KCNAB1: variants seen among roughly 807,000 people sequenced by gnomAD.
KCNAB1 encodes the protein voltage-gated potassium channel subunit beta-1.
In KCNAB1, 35 loss-of-function variants were observed where a neutral mutation model predicts 64.6. That is an observed-to-expected ratio of 0.54 (90% CI 0.41 to 0.72). The LOEUF (loss-of-function observed/expected upper bound fraction) is 0.72. KCNAB1 is among the 30% of genes least tolerant of loss of function. KCNAB1 has a pLI of 0.00. For synonymous variants in KCNAB1, 177 were observed against 183.8 expected (o/e 0.96, Z 0.30); for missense variants, 401 against 512.9 (o/e 0.78, Z 2.11).
intron 1 of KCNAB1, among the ~76,000 whole-genome samples, chr3:156,420,368 T>C (rs1026553208): frequency 6.6e-6 from 1 of 152,258 alleles, no homozygotes; most frequent in Non-Finnish European, 1.5e-5. Flanking sequence ...TTCAACTCTT[T>C]GCATTTTTAT....
At chr3:156,224,640 C>A (rs528001565) in intron 1 of KCNAB1, among the ~76,000 whole-genome samples, 1 of 152,090 alleles carries the variant, frequency 6.6e-6, no homozygotes, top group Non-Finnish European at 1.5e-5. Flanking sequence ...AAACAGAAAG[C>A]TGATTCTTTG....
intron 13 of KCNAB1, among the ~76,000 whole-genome samples, chr3:156,532,397 G>A (rs888166114): frequency 6.6e-6 from 1 of 152,134 alleles, no homozygotes; most frequent in Non-Finnish European, 1.5e-5. Context: ...CCCTAGGAAC[G>A]ATCCTGCCCA....
intron 1 of KCNAB1, among the ~76,000 whole-genome samples, chr3:156,381,902 T>A (rs1427619834): frequency 6.6e-6 from 1 of 152,186 alleles, no homozygotes; most frequent in African/African-American, 2.4e-5. Flanking sequence ...TAACATTTCA[T>A]TATATTTACT....
intron 1 of KCNAB1, among the ~76,000 whole-genome samples, chr3:156,305,908 T>G (rs917331711): frequency 2.6e-5 from 4 of 152,198 alleles, no homozygotes; most frequent in African/African-American, 9.6e-5. Flanking sequence ...GTGCAGGGAC[T>G]GCTTGAGTCT....
At chr3:156,211,479 C>T (rs889007327) in intron 1 of KCNAB1, among the ~76,000 whole-genome samples, 5 of 152,180 alleles carry the variant, frequency 3.3e-5, no homozygotes, top group Admixed American at 2.0e-4. Flanking sequence ...AGATGCCTTT[C>T]AGCCCTAATA....
At chr3:156,421,055 TTTG>T (rs1715435421) in intron 1 of KCNAB1, among the ~76,000 whole-genome samples, 1 of 151,006 alleles carries the variant, frequency 6.6e-6, no homozygotes, top group South Asian at 2.1e-4. Flanking sequence ...TAGTTTTATA[TTTG>T]TTATTTTAAT....
rs538826367 is a variant in KCNAB1 at position 156,436,033 on chromosome 3, C to T, written c.319+14374C>T. Among the ~76,000 whole-genome samples, 10 of 152,208 alleles carry T rather than the reference C, an allele frequency of 6.6e-5. 1 individual carries two copies. The South Asian group carries it at 1.9e-3, about 28-fold the overall frequency. ...AACTCATCATCTAAGTATTAAGCCC[C>T]GCATGCATTAGCTATTTTTCCTGAT... On this transcript the variant is annotated intron_variant, in intron 2 of 13. Coordinates refer to ENST00000490337, the MANE Select transcript of KCNAB1 (RefSeq NM_172160.3).
intron 1 of KCNAB1, among the ~76,000 whole-genome samples, chr3:156,165,671 T>A (rs1560115990): frequency 6.6e-6 from 1 of 152,236 alleles, no homozygotes; most frequent in Admixed American, 6.5e-5. Context: ...CATTTGCCTT[T>A]CTCTTCTAAG....
chr3:156,389,412 T>C (rs1712855021), intron 1 of KCNAB1, among the ~76,000 whole-genome samples: 1 of 152,148 alleles, frequency 6.6e-6, no homozygotes, highest in Non-Finnish European at 1.5e-5. Context: ...AACAAGCAAG[T>C]CTGAATCTCC....
chr3:156,217,161 G>A (rs1715375561), intron 1 of KCNAB1: 1 of 152,184 alleles, frequency 6.6e-6, no homozygotes, highest in Non-Finnish European at 1.5e-5. Flanking sequence ...AGACTCCACT[G>A]CTATGTTTAG....
At position 156,526,249 on chromosome 3, in the gene KCNAB1, T is replaced by C. The variant is rs1213938423; in HGVS notation, c.1081+2302T>C. Among the ~76,000 whole-genome samples, 3 of 152,208 alleles carry C rather than the reference T, an allele frequency of 2.0e-5. No homozygotes were observed. In the East Asian group the frequency reaches 5.8e-4, roughly 29 times the overall value. ...ACCAACTAGGTTTGCATAAGTACCC[T>C]ATGATGTTCACACAATGAGGAAAAC... On this transcript the variant is annotated intron_variant, in intron 12 of 13. Transcript: ENST00000490337.
At chr3:156,293,668 C>T (rs1576686891) in intron 1 of KCNAB1, among the ~76,000 whole-genome samples, 1 of 152,340 alleles carries the variant, frequency 6.6e-6, no homozygotes, top group Middle Eastern at 3.4e-3. Flanking sequence ...TGACTTAGGT[C>T]AACTCATTGA....
At chr3:156,295,967 C>T (rs1720748364) in intron 1 of KCNAB1, among the ~76,000 whole-genome samples, 1 of 152,180 alleles carries the variant, frequency 6.6e-6, no homozygotes, top group African/African-American at 2.4e-5. Flanking sequence ...TCTTCTATAT[C>T]ACTATGTGTT....
chr3:156,335,352 G>A (rs1723616853), intron 1 of KCNAB1, among the ~76,000 whole-genome samples: 1 of 152,100 alleles, frequency 6.6e-6, no homozygotes, highest in Non-Finnish European at 1.5e-5. Context: ...TCTAACCAAG[G>A]AAAGTGGCTA....
intron 1 of KCNAB1, among the ~76,000 whole-genome samples, chr3:156,369,094 A>G (rs898906276): frequency 6.6e-6 from 1 of 152,186 alleles, no homozygotes; most frequent in Admixed American, 6.5e-5. Context: ...AGATTTTCTC[A>G]TATCTGTTCC....
intron 13 of KCNAB1, among the ~76,000 whole-genome samples, chr3:156,533,049 T>C (rs549240320): frequency 4.6e-5 from 7 of 152,340 alleles, no homozygotes; most frequent in African/African-American, 9.6e-5. Context: ...TGAGAGCCTA[T>C]TGTATACCAG....
intron 1 of KCNAB1, chr3:156,176,620 A>G (rs934917398): frequency 1.4e-5 from 13 of 928,822 alleles, no homozygotes; most frequent in Non-Finnish European, 2.3e-5. Context: ...CACAGTCACC[A>G]TAGACATTCC....
chr3:156,118,402 CTGACT>C, upstream of KCNAB1: 4 of 431,458 alleles, frequency 9.3e-6, no homozygotes, highest in South Asian at 6.8e-5. Flanking sequence ...CATGGTCTTT[CTGACT>C]TAACTGTGAA....
intron 8 of KCNAB1, among the ~76,000 whole-genome samples, chr3:156,479,563 A>G (rs1474161268): frequency 1.3e-5 from 2 of 152,294 alleles, no homozygotes; most frequent in East Asian, 1.9e-4. Flanking sequence ...CCACTTGTAG[A>G]CAACAGCAAG....
Sources: allele counts gnomAD v4.1 joint callset (sites outside exome capture counted in the v4.1 genomes callset), GRCh38; gene constraint gnomAD v4.1.1; transcripts MANE v1.5; gene names NCBI Gene and HGNC (gene_info 2026-07-23, HGNC 2026-07-21).